LCOR: variants seen among roughly 807,000 people sequenced by gnomAD.
LCOR encodes the protein ligand-dependent corepressor.
LCOR carries 14 observed loss-of-function variants against 64.4 expected under a neutral mutation model. That is an observed-to-expected ratio of 0.22 (90% CI 0.14 to 0.34). The LOEUF (loss-of-function observed/expected upper bound fraction) is 0.34, where lower values mean the gene tolerates loss of function less well. Ranked by LOEUF, LCOR falls within the 10% of genes least tolerant of loss-of-function variation. The probability of loss-of-function intolerance (pLI) is 1.00; values close to 1 mark genes in which losing one functional copy is unlikely to be tolerated. For missense variants in LCOR, 1,686 were observed against 1,765.3 expected, an observed-to-expected ratio of 0.96 and a Z score of 0.80; for synonymous variants, 643 against 642.5, an observed-to-expected ratio of 1.00 and a Z score of -0.01.
intron 2 of LCOR, among the ~76,000 whole-genome samples, chr10:96,863,782 G>A (rs1845927984): frequency 6.6e-6 from 1 of 152,164 alleles, no homozygotes. Flanking sequence ...TTTTTCTCTA[G>A]TAAGTTTAAG....
intron 2 of LCOR, among the ~76,000 whole-genome samples, chr10:96,892,711 A>G (rs1409794738): frequency 6.6e-6 from 1 of 152,170 alleles, no homozygotes; most frequent in African/African-American, 2.4e-5. Flanking sequence ...CAGTTAGACC[A>G]TCGCAGTGCC....
At chr10:96,833,245 C>T in intron 1 of LCOR, 161 bp from the exon 2 acceptor site, 2 of 966,660 alleles carry the variant, frequency 2.1e-6, no homozygotes, top group Non-Finnish European at 2.5e-6. Flanking sequence ...CAGCCTCGCC[C>T]GAATGCCCCG....
chr10:96,851,742 A>G (rs1488439720), intron 2 of LCOR, among the ~76,000 whole-genome samples: 1 of 152,186 alleles, frequency 6.6e-6, no homozygotes, highest in Non-Finnish European at 1.5e-5. Context: ...TCACCCCCCA[A>G]AATAAATACA....
At chr10:96,915,774 C>G in intron 4 of LCOR, 1 of 618,940 alleles carries the variant, frequency 1.6e-6, no homozygotes, top group Non-Finnish European at 3.1e-6. Context: ...TTTGCAGGGC[C>G]CTTTTGAAGC....
chr10:96,978,266 C>G (rs1187022499), intron 7 of LCOR, among the ~76,000 whole-genome samples: 1 of 152,186 alleles, frequency 6.6e-6, no homozygotes, highest in Non-Finnish European at 1.5e-5. Context: ...AATCACTCAT[C>G]CAAGGGTGTC....
At chr10:96,855,211 A>C (rs146946676) in intron 2 of LCOR, among the ~76,000 whole-genome samples, 14 of 152,290 alleles carry the variant, frequency 9.2e-5, no homozygotes, top group African/African-American at 3.4e-4. Context: ...AGCAGCTACC[A>C]TGGGGGGAGA....
chr10:96,838,474 A>T (rs1436049963), intron 2 of LCOR, among the ~76,000 whole-genome samples: 1 of 152,118 alleles, frequency 6.6e-6, no homozygotes, highest in Non-Finnish European at 1.5e-5. Flanking sequence ...AGGCAGTTCC[A>T]CATTCCGTTC....
At chr10:96,889,837 A>G (rs900162217) in intron 2 of LCOR, among the ~76,000 whole-genome samples, 2 of 152,162 alleles carry the variant, frequency 1.3e-5, no homozygotes, top group African/African-American at 4.8e-5. Context: ...GGTTATTATG[A>G]ATAATGCTGC....
At chr10:96,883,505 A>G (rs1751983645) in intron 2 of LCOR, among the ~76,000 whole-genome samples, 2 of 152,228 alleles carry the variant, frequency 1.3e-5, no homozygotes, top group Admixed American at 6.5e-5. Context: ...TGTTTTCACC[A>G]GCATTTGGTG....
At chr10:96,963,470 C>T (rs920577840) in intron 7 of LCOR, 7 of 152,132 alleles carry the variant, frequency 4.6e-5, no homozygotes, top group Admixed American at 3.3e-4. Context: ...TATGCAATGT[C>T]TTTAGAGAAT....
At chr10:96,927,967 A>G (rs753615815) in intron 4 of LCOR, among the ~76,000 whole-genome samples, 66 of 152,360 alleles carry the variant, frequency 4.3e-4, no homozygotes, top group Non-Finnish European at 6.6e-4. Context: ...AACAATGTAT[A>G]TAACCTAAGA....
chr10:96,937,867 T>A (rs1847378419), intron 4 of LCOR, among the ~76,000 whole-genome samples: 1 of 152,158 alleles, frequency 6.6e-6, no homozygotes, highest in Non-Finnish European at 1.5e-5. Flanking sequence ...AAATCAAAAT[T>A]TGCAACATAT....
intron 7 of LCOR, among the ~76,000 whole-genome samples, chr10:96,971,730 G>A (rs1331990057): frequency 6.6e-6 from 1 of 152,050 alleles, no homozygotes. Context: ...GAGAAACGAG[G>A]GGCAGAGATA....
intron 4 of LCOR, among the ~76,000 whole-genome samples, chr10:96,908,377 G>A (rs2134454079): frequency 6.6e-6 from 1 of 152,288 alleles, no homozygotes; most frequent in East Asian, 1.9e-4. Context: ...GAAATGTGTG[G>A]TAATTCAAGT....
At chr10:96,890,863 T>C (rs907554417) in intron 2 of LCOR, among the ~76,000 whole-genome samples, 5 of 152,166 alleles carry the variant, frequency 3.3e-5, no homozygotes, top group African/African-American at 1.2e-4. Context: ...ACTGATTGAT[T>C]TTTGTATGTT....
chr10:96,928,603 G>T (rs1183601539), intron 4 of LCOR, among the ~76,000 whole-genome samples: 1 of 151,980 alleles, frequency 6.6e-6, no homozygotes, highest in African/African-American at 2.4e-5. Flanking sequence ...GTTTGAATCA[G>T]CTTCTTCAAA....
chr10:96,941,358 G>A (rs1224711030), intron 4 of LCOR, among the ~76,000 whole-genome samples: 8 of 143,198 alleles, frequency 5.6e-5, no homozygotes, highest in East Asian at 2.1e-4. Flanking sequence ...CAGTAGGGGC[G>A]GCCGGGCAGA....
At chr10:96,888,289 C>T (rs995716442) in intron 2 of LCOR, among the ~76,000 whole-genome samples, 1 of 126,072 alleles carries the variant, frequency 7.9e-6, no homozygotes, top group South Asian at 2.7e-4. Context: ...CGCTTGAACC[C>T]GGTGGGCGGA....
intron 7 of LCOR, among the ~76,000 whole-genome samples, chr10:96,977,056 GC>G (rs1247990839): frequency 6.7e-6 from 1 of 150,100 alleles, no homozygotes; most frequent in Non-Finnish European, 1.5e-5. Flanking sequence ...CATTGAAAAG[GC>G]ACCCACTTAT....
Sources: allele counts gnomAD v4.1 joint callset (sites outside exome capture counted in the v4.1 genomes callset), GRCh38; gene constraint gnomAD v4.1.1; transcripts MANE v1.5; gene names NCBI Gene and HGNC (gene_info 2026-07-23, HGNC 2026-07-21).